R3HCC1L: variants seen among roughly 807,000 people sequenced by gnomAD.
R3HCC1L encodes the protein R3H domain and coiled-coil containing 1 like.
A neutral mutation model predicts 59.9 loss-of-function variants in R3HCC1L; 51 were observed. The ratio of observed to expected loss-of-function variants is 0.85; its 90% CI spans 0.68 to 1.07. The LOEUF (loss-of-function observed/expected upper bound fraction) is 1.07, where lower values mean the gene tolerates loss of function less well. Ranked by LOEUF, R3HCC1L falls within the 50% of genes least tolerant of loss-of-function variation. The pLI is 0.00. For synonymous variants in R3HCC1L, 322 were observed against 315.2 expected, an observed-to-expected ratio of 1.02 and a Z score of -0.23; for missense variants, 965 against 933.0, an observed-to-expected ratio of 1.03 and a Z score of -0.45.
intron 2 of R3HCC1L, among the ~76,000 whole-genome samples, chr10:98,159,764 C>G (rs1369202351): frequency 6.6e-6 from 1 of 152,168 alleles, no homozygotes; most frequent in African/African-American, 2.4e-5. Flanking sequence ...GTATTCTAGG[C>G]TCATCTTGCA....
chr10:98,146,406 G>A (rs185340060), intron 1 of R3HCC1L, among the ~76,000 whole-genome samples: 20 of 152,212 alleles, frequency 1.3e-4, no homozygotes, highest in Non-Finnish European at 1.5e-4. Context: ...ACACTAGGTC[G>A]TATTTCTTCT....
chr10:98,239,157 G>C (rs1857265193), intron 9 of R3HCC1L, among the ~76,000 whole-genome samples: 1 of 152,164 alleles, frequency 6.6e-6, no homozygotes, highest in African/African-American at 2.4e-5. Flanking sequence ...GTTAACATAT[G>C]TAAAAATGTT....
At chr10:98,198,788 A>G (rs1180821032) in intron 4 of R3HCC1L, among the ~76,000 whole-genome samples, 1 of 152,144 alleles carries the variant, frequency 6.6e-6, no homozygotes, top group East Asian at 1.9e-4. Flanking sequence ...TGAAGCCAAC[A>G]AAACAGAAGG....
chr10:98,241,678 C>G (rs537333847), intron 9 of R3HCC1L, among the ~76,000 whole-genome samples: 14 of 152,134 alleles, frequency 9.2e-5, no homozygotes, highest in African/African-American at 3.4e-4. Context: ...GGACATGTTT[C>G]TTTGTCTTTC....
intron 4 of R3HCC1L, among the ~76,000 whole-genome samples, chr10:98,204,326 A>T (rs1852386482): frequency 6.6e-6 from 1 of 152,066 alleles, no homozygotes; most frequent in African/African-American, 2.4e-5. Context: ...AATAGCCTGA[A>T]CCCAGGAGGC....
At position 98,153,016 on chromosome 10, in the gene R3HCC1L, C is replaced by T. The variant is rs1846413532; in HGVS notation, c.-267-3077C>T. ...GTGGGGGCCCGCCTCCGCCCGGCCG[C>T]CGCCCCGTCCGGGAGGTGGGGGGCG... On this transcript the variant is annotated intron_variant, in intron 1 of 9. Coordinates refer to ENST00000298999, the MANE Select transcript of R3HCC1L (RefSeq NM_001351015.2). Among the ~76,000 whole-genome samples the T allele has an allele frequency of 2.0e-5, 3 of 151,070 alleles. No individual in the cohort carries two copies. In the South Asian group the frequency reaches 6.3e-4, roughly 32 times the overall value.
chr10:98,149,506 G>C (rs2133978405), intron 1 of R3HCC1L, among the ~76,000 whole-genome samples: 1 of 152,126 alleles, frequency 6.6e-6, no homozygotes, highest in South Asian at 2.1e-4. Context: ...TCTTACCGCT[G>C]CTTTTGCTGT....
Position 98,152,340 on chromosome 10 carries a change from A to G in R3HCC1L, c.-267-3753A>G, listed in dbSNP as rs573487102. Among the ~76,000 whole-genome samples, 513 of 151,714 alleles carry G rather than the reference A, an allele frequency of 3.4e-3. 3 individuals carry two copies. The highest frequency in any genetic ancestry group is 0.012 in the African/African-American group (487 of 41,476). On this transcript the variant is annotated intron_variant, in intron 1 of 9. Transcript: ENST00000298999. ...CCCAGCCGCCTGCCTTGGCCTCCCA[A>G]AGTGCTGAGATTGCAGCCTCTGCCC...
At chr10:98,197,321 C>T (rs1248579139) in intron 4 of R3HCC1L, among the ~76,000 whole-genome samples, 1 of 152,092 alleles carries the variant, frequency 6.6e-6, no homozygotes, top group Non-Finnish European at 1.5e-5. Context: ...ATTCTTTTTC[C>T]TGGATTTCTC....
At position 98,218,658 on chromosome 10, in the gene R3HCC1L, G is replaced by GA. The variant is rs1854501784; in HGVS notation, c.1785+8759_1785+8760insA. On this transcript the variant is annotated intron_variant, in intron 5 of 9. Coordinates refer to ENST00000298999, the MANE Select transcript of R3HCC1L (RefSeq NM_001351015.2). ...TGAGAATGTATCCTGCAGTTGTTGG[G>GA]TAAAGTGTTCCAGTAATGTCTGTTA... 3.3e-5 allele frequency among the ~76,000 whole-genome samples: 5 copies of GA among 152,248 alleles called. No individual in the cohort carries two copies. In the South Asian group the frequency reaches 1.0e-3, roughly 32 times the overall value.
intron 4 of R3HCC1L, among the ~76,000 whole-genome samples, chr10:98,207,787 C>T (rs1325699568): frequency 6.6e-6 from 1 of 151,926 alleles, no homozygotes; most frequent in Non-Finnish European, 1.5e-5. Flanking sequence ...GGTAGATTGC[C>T]TTAAGCTCAG....
intron 4 of R3HCC1L, among the ~76,000 whole-genome samples, chr10:98,202,515 C>T (rs532122686): frequency 3.3e-5 from 5 of 152,172 alleles, no homozygotes; most frequent in Non-Finnish European, 7.4e-5. Context: ...AGTCTCATCA[C>T]GGGAAGACAT....
chr10:98,217,076 A>T (rs1357347579), intron 5 of R3HCC1L, among the ~76,000 whole-genome samples: 5 of 152,182 alleles, frequency 3.3e-5, no homozygotes, highest in Admixed American at 2.0e-4. Flanking sequence ...TTGAAACTCC[A>T]TCCTTCTTTT....
At chr10:98,198,469 A>AT (rs1057434997) in intron 4 of R3HCC1L, among the ~76,000 whole-genome samples, 6 of 132,852 alleles carry the variant, frequency 4.5e-5, no homozygotes, top group African/African-American at 1.1e-4. Context: ...CAAGGAAGTT[A>AT]TTTTTTTAAT....
chr10:98,155,057 A>C, intron 1 of R3HCC1L, among the ~76,000 whole-genome samples: 1 of 152,186 alleles, frequency 6.6e-6, no homozygotes, highest in East Asian at 1.9e-4. Flanking sequence ...TAAGCTGCTG[A>C]TAACCCTCTT....
At chr10:98,217,559 G>A (rs575466415) in intron 5 of R3HCC1L, among the ~76,000 whole-genome samples, 59 of 152,142 alleles carry the variant, frequency 3.9e-4, no homozygotes, top group East Asian at 7.7e-4. Context: ...AAGAATTGTC[G>A]TTGGTATTTT....
intron 4 of R3HCC1L, among the ~76,000 whole-genome samples, chr10:98,205,233 T>G (rs1852508855): frequency 6.6e-6 from 1 of 152,252 alleles, no homozygotes; most frequent in Admixed American, 6.5e-5. Context: ...AAGTATATCA[T>G]ACCTCTGGTT....
At chr10:98,140,946 T>G (rs1845076143) in intron 1 of R3HCC1L, among the ~76,000 whole-genome samples, 1 of 152,034 alleles carries the variant, frequency 6.6e-6, no homozygotes, top group Admixed American at 6.5e-5. Context: ...TACAGGAAAT[T>G]TAAAAGGAGA....
chr10:98,212,220 G>C (rs957608983), intron 5 of R3HCC1L, among the ~76,000 whole-genome samples: 1 of 152,158 alleles, frequency 6.6e-6, no homozygotes, highest in African/African-American at 2.4e-5. Flanking sequence ...ATAGCCCTTT[G>C]ATGACTTCTG....
Sources: allele counts gnomAD v4.1 joint callset (sites outside exome capture counted in the v4.1 genomes callset), GRCh38; gene constraint gnomAD v4.1.1; transcripts MANE v1.5; gene names NCBI Gene and HGNC (gene_info 2026-07-23, HGNC 2026-07-21).